The following CDHR3 variants were observed in gnomAD, a reference collection of about 807,000 sequenced individuals.
The protein encoded by CDHR3 is cadherin related family member 3.
Under a neutral mutation model 86.6 loss-of-function variants are expected in CDHR3, and 79 were observed. The observed-to-expected ratio is 0.91, with a 90% CI of 0.76 to 1.10. The LOEUF is 1.10. CDHR3 is among the 50% of genes least tolerant of loss of function. The pLI, the probability that CDHR3 is intolerant of heterozygous loss-of-function variation, is 0.00. For missense variants in CDHR3, 1,081 were observed against 1,077.6 expected (o/e 1.00, Z -0.04); for synonymous variants, 421 against 402.4 (o/e 1.05, Z -0.55).
intron 12 of CDHR3, 87 bp from the exon 13 acceptor site, chr7:106,020,286 A>G (rs970514452): frequency 8.7e-7 from 1 of 1,153,444 alleles, no homozygotes; most frequent in Non-Finnish European, 1.2e-6. Context: ...TAATTTATGA[A>G]AAGTGCTTAG....
intron 14 of CDHR3, among the ~76,000 whole-genome samples, chr7:106,023,547 TTCCTCC>T (rs915716011): frequency 2.0e-5 from 3 of 151,712 alleles, no homozygotes; most frequent in South Asian, 2.1e-4. Flanking sequence ...CCTCCTCCTC[TTCCTCC>T]TCCTCCTCCT....
intron 7 of CDHR3, 81 bp from the exon 8 acceptor site, chr7:106,004,417 G>A (rs895341623): frequency 9.0e-7 from 1 of 1,105,314 alleles, no homozygotes; most frequent in African/African-American, 1.6e-5. Flanking sequence ...TGTTCGAATG[G>A]TCTTTTCCAG....
In CDHR3 at chr7:106,015,964, T is replaced by C. The variant is rs1041637624; in HGVS notation, c.1365T>C (p.Asn455=). The change falls in exon 11 of 19, where the codon AAT becomes AAC. Residue 455 remains asparagine, a synonymous_variant. Transcript: ENST00000317716. ...TTTATATCCTAACAAGCCCAGAAAA[T>C]GAGTTTCCTCTCATTTTTGATAGGC... The part of the protein sequence containing the change: ...VYVYILTSPE[N]EFPLIFDRPS... 3.1e-6 allele frequency: 5 copies of C among 1,613,206 alleles called. No homozygotes were observed. In the African/African-American group the frequency reaches 5.3e-5, roughly 17 times the overall value.
Position 105,974,874 on chromosome 7 carries a change from C to A in CDHR3, c.77C>A (p.Pro26His), listed in dbSNP as rs1445859065. Residue 26 changes from proline (P) to histidine (H), a missense_variant, in exon 2 of 19, where the codon CCT becomes CAT. By Grantham distance (77) the Pro-to-His change is moderately conservative. Transcript: ENST00000317716. Reference sequence around the variant, plus strand: ...GAAGCACTACACCTAATCCTCTTACCTGCTACAGGCAATGTGGCAGAGAAT... The same window carrying A: ...GAAGCACTACACCTAATCCTCTTACATGCTACAGGCAATGTGGCAGAGAAT... Reference protein sequence around the residue: ...GGEALHLILLPATGNVAENSP... With the variant: ...GGEALHLILLHATGNVAENSP... 1.2e-6 allele frequency: 2 copies of A among 1,613,558 alleles called. No homozygotes were observed. Among genetic ancestry groups the A allele is most frequent in the African/African-American group, 2.7e-5 (2 of 74,896 alleles).
intron 17 of CDHR3, among the ~76,000 whole-genome samples, chr7:106,028,901 C>G (rs1345156794): frequency 6.7e-6 from 1 of 148,602 alleles, no homozygotes; most frequent in East Asian, 2.0e-4. Context: ...GCTTCAGCCT[C>G]CAGTGAGATT....
At chr7:105,984,608 A>G (rs1830258384) in intron 4 of CDHR3, among the ~76,000 whole-genome samples, 1 of 152,226 alleles carries the variant, frequency 6.6e-6, no homozygotes, top group Non-Finnish European at 1.5e-5. Flanking sequence ...TAGACAATGC[A>G]TGTAAAACCA....
intron 3 of CDHR3, 59 bp from the exon 4 acceptor site, chr7:105,984,133 G>T: frequency 9.4e-7 from 1 of 1,064,706 alleles, no homozygotes; most frequent in Non-Finnish European, 1.3e-6. Context: ...CTTGATTTTG[G>T]AATTCCCCAT....
chr7:106,031,573 C>G (rs577201307), intron 18 of CDHR3, among the ~76,000 whole-genome samples: 1 of 152,178 alleles, frequency 6.6e-6, no homozygotes, highest in African/African-American at 2.4e-5. Flanking sequence ...CTGCCGCCGC[C>G]GCTGCTGCTG....
chr7:105,994,969 A>T, intron 5 of CDHR3, 124 bp downstream of exon 5: 1 of 728,600 alleles, frequency 1.4e-6, no homozygotes, highest in Non-Finnish European at 2.4e-6. Context: ...CTACAGCGTC[A>T]TTGTAAGTTC....
rs1284579066 is a variant in CDHR3 at position 106,022,382 on chromosome 7, A to G, written c.2010A>G (p.Thr670=). The G allele has an allele frequency of 5.0e-6, 8 of 1,613,926 alleles. No individual in the cohort carries two copies. The highest frequency in any genetic ancestry group is 6.8e-6 in the Non-Finnish European group (8 of 1,179,906). ...AGAAAGCGGAGGCTCTTGTTGAGAC[A>G]GGAACAGTGACACTGAGTATTAAAG... The part of the protein sequence containing the change: ...DRKKAEALVE[T]GTVTLSIKVI... Residue 670 remains threonine, a synonymous_variant, in exon 14 of 19, where the codon ACA becomes ACG. Transcript: ENST00000317716.
intron 2 of CDHR3, among the ~76,000 whole-genome samples, chr7:105,976,363 C>T (rs1828811371): frequency 6.6e-6 from 1 of 152,122 alleles, no homozygotes; most frequent in South Asian, 2.1e-4. Flanking sequence ...AGGTAATTTG[C>T]CCTGGGTTGT....
At chr7:106,027,590 C>T in intron 16 of CDHR3, 1 of 436,288 alleles carries the variant, frequency 2.3e-6, no homozygotes, top group South Asian at 1.6e-5. Context: ...GAGGAGGTGT[C>T]CTGGCTTGGC....
Position 106,004,567 on chromosome 7 carries a change from T to C in CDHR3, c.932T>C (p.Ile311Thr), listed in dbSNP as rs1833669635. Reference protein sequence around the residue: ...DAGELRQNPTISLEVLVKDRP... With the variant: ...DAGELRQNPTTSLEVLVKDRP... ...GGTGAATTGAGACAAAATCCCACCA[T>C]TTCCCTGGAAGTTCTAGTGAAGGAC... The change falls in exon 8 of 19, where the codon ATT becomes ACT. Residue 311 changes from isoleucine to threonine, a missense_variant. Coordinates refer to ENST00000317716, the MANE Select transcript of CDHR3 (RefSeq NM_152750.5). 3 of 1,613,902 alleles carry C rather than the reference T, an allele frequency of 1.9e-6. No homozygotes were observed. Among genetic ancestry groups the C allele is most frequent in the Non-Finnish European group, 2.5e-6 (3 of 1,179,884 alleles).
chr7:105,992,611 G>A (rs1333816019), intron 4 of CDHR3, among the ~76,000 whole-genome samples: 15 of 152,198 alleles, frequency 9.9e-5, no homozygotes, highest in Admixed American at 9.8e-4. Flanking sequence ...CAGCAAGAAA[G>A]ATTTAGTAAA....
Position 106,033,268 on chromosome 7 carries a change from T to C in CDHR3, c.*571T>C, listed in dbSNP as rs555159327. 6 of 153,656 alleles carry C rather than the reference T, an allele frequency of 3.9e-5. No homozygotes were observed. Among genetic ancestry groups the C allele is most frequent in the African/African-American group, 1.4e-4 (6 of 41,574 alleles). 9.5% of individuals were successfully genotyped at this position (153,656 alleles called of 1,614,324 possible). On this transcript the variant is annotated 3_prime_UTR_variant, in exon 19 of 19. Transcript: ENST00000317716. ...ACTCAGTAGGCACCTTCTTTTGTTT[T>C]TTCTTGTGGTGTCCGGATCAGCATC...
chr7:106,022,205 C>T lies in CDHR3; in HGVS notation c.1833C>T (p.Val611=). The change falls in exon 14 of 19, where the codon GTC becomes GTT. Residue 611 remains valine, a synonymous_variant. Coordinates refer to ENST00000317716, the MANE Select transcript of CDHR3 (RefSeq NM_152750.5). ...GCATCAAATCTCATTTAGGTAACGT[C>T]AACAATCATTTCACCTTCTCTCCCA... ...SFRYSIGPGN[V]NNHFTFSPNA... is the part of the protein sequence containing the mutation. 1.2e-6 allele frequency: 2 copies of T among 1,613,998 alleles called. No individual in the cohort carries two copies. The highest frequency in any genetic ancestry group is 1.1e-5 in the South Asian group (1 of 91,068).
chr7:105,980,754 A>C (rs1163820050), intron 2 of CDHR3, among the ~76,000 whole-genome samples: 1 of 151,882 alleles, frequency 6.6e-6, no homozygotes, highest in Non-Finnish European at 1.5e-5. Flanking sequence ...TTCCTAGGAA[A>C]CGCAGCATCA....
intron 8 of CDHR3, among the ~76,000 whole-genome samples, chr7:106,009,904 G>T (rs1186790722): frequency 2.0e-5 from 3 of 152,248 alleles, no homozygotes; most frequent in African/African-American, 7.2e-5. Context: ...CTTTGCATGG[G>T]GAGAGAAACA....
At chr7:105,998,487 T>C (rs1832609293) in intron 6 of CDHR3, among the ~76,000 whole-genome samples, 1 of 152,190 alleles carries the variant, frequency 6.6e-6, no homozygotes, top group African/African-American at 2.4e-5. Flanking sequence ...AAGTTGAACA[T>C]TTTATTATAA....
Sources: allele counts gnomAD v4.1 joint callset (sites outside exome capture counted in the v4.1 genomes callset), GRCh38; gene constraint gnomAD v4.1.1; transcripts MANE v1.5; gene names NCBI Gene and HGNC (gene_info 2026-07-23, HGNC 2026-07-21).